PCLO: variants seen among roughly 807,000 people sequenced by gnomAD.
PCLO encodes the protein protein piccolo.
Under a neutral mutation model 427.5 loss-of-function variants are expected in PCLO, and 82 were observed. The observed-to-expected ratio is 0.19, with a 90% CI of 0.16 to 0.23. The LOEUF (loss-of-function observed/expected upper bound fraction) is 0.23. PCLO is among the 10% of genes least tolerant of loss of function. The probability of loss-of-function intolerance (pLI) is 1.00; values close to 1 mark genes in which losing one functional copy is unlikely to be tolerated. For synonymous variants in PCLO, 2,357 were observed against 2,155.4 expected (o/e 1.09, Z -2.59); for missense variants, 6,239 against 6,115.9 (o/e 1.02, Z -0.67).
At chr7:82,990,942 T>G (rs1796362189) in intron 3 of PCLO, among the ~76,000 whole-genome samples, 1 of 152,144 alleles carries the variant, frequency 6.6e-6, no homozygotes, top group South Asian at 2.1e-4. Context: ...AAATTGATAT[T>G]CATTTATTTC....
chr7:83,135,531 G>C lies in PCLO; in HGVS notation c.2019C>G (p.Ser673Arg). 2 of 1,613,614 alleles carry C rather than the reference G, an allele frequency of 1.2e-6. No individual in the cohort carries two copies. The highest frequency in any genetic ancestry group is 1.7e-6 in the Non-Finnish European group (2 of 1,179,818). ...TAPVTTTSAV[S>R]KSSPQPQQTS... is the part of the protein sequence containing the mutation. ...TCTGCTGTGGCTGTGGGGATGATTT[G>C]CTCACTGCTGATGTAGTGGTAACAG... Residue 673 changes from serine (S) to arginine (R), a missense_variant, in exon 3 of 25, where the codon AGC (serine) becomes AGG (arginine). Coordinates refer to ENST00000333891, the MANE Select transcript of PCLO (RefSeq NM_033026.6).
intron 3 of PCLO, among the ~76,000 whole-genome samples, chr7:83,108,395 C>T (rs1364364658): frequency 6.6e-6 from 1 of 152,088 alleles, no homozygotes; most frequent in Admixed American, 6.5e-5. Flanking sequence ...ATAATTAAGA[C>T]ATATGCCAGA....
At chr7:83,110,774 A>G (rs1056162730) in intron 3 of PCLO, among the ~76,000 whole-genome samples, 3 of 152,156 alleles carry the variant, frequency 2.0e-5, no homozygotes, top group Non-Finnish European at 2.9e-5. Context: ...ATAGAGTTAT[A>G]TTTATCTGTC....
rs577976278 is a variant in PCLO at position 82,805,869 on chromosome 7, T to A, written c.14792-40A>T. On this transcript the variant is annotated intron_variant, in intron 20 of 24. Transcript: ENST00000333891. Reference sequence around the variant, plus strand: ...AAGATTCAACACCACAGTCAATAAATGAAGCTGACATTGATCTACAAATGC... The same window carrying A: ...AAGATTCAACACCACAGTCAATAAAAGAAGCTGACATTGATCTACAAATGC... 2.7e-4 allele frequency: 419 copies of A among 1,564,324 alleles called. 4 individuals carry two copies. In the South Asian group the frequency reaches 4.7e-3, roughly 18 times the overall value.
chr7:83,149,582 A>G (rs1046228051), intron 2 of PCLO, among the ~76,000 whole-genome samples: 18 of 152,188 alleles, frequency 1.2e-4, no homozygotes, highest in African/African-American at 4.3e-4. Context: ...CAAGCAACTA[A>G]AAAGAGAACA....
intron 3 of PCLO, among the ~76,000 whole-genome samples, chr7:83,093,488 A>ATC (rs1322277167): frequency 1.4e-5 from 1 of 69,362 alleles, no homozygotes; most frequent in African/African-American, 6.2e-5. Flanking sequence ...ATATATATAT[A>ATC]TATATTTTTT....
At chr7:82,823,056 G>A (rs184598529) in intron 19 of PCLO, among the ~76,000 whole-genome samples, 14 of 152,236 alleles carry the variant, frequency 9.2e-5, no homozygotes, top group African/African-American at 3.4e-4. Flanking sequence ...TGAAGGATGT[G>A]AATCACTAGG....
At chr7:82,824,518 G>A in intron 18 of PCLO, 102 bp from the exon 19 acceptor site, 1 of 660,108 alleles carries the variant, frequency 1.5e-6, no homozygotes, top group Non-Finnish European at 2.5e-6. Context: ...ATAAACCAAG[G>A]AATACAGTAT....
chr7:83,155,202 G>A lies in PCLO; in HGVS notation c.1439C>T (p.Pro480Leu). ...CTTTGCTGGGCCAGGCTGTTGAGGT[G>A]GGGGCTTTGCTGGGCCAGGCAGTTG... Reference protein sequence around the residue: ...PSQLPGPAKPPPQQPGPAKPP... With the variant: ...PSQLPGPAKPLPQQPGPAKPP... The change falls in exon 2 of 25, where the codon CCA (proline) becomes CTA (leucine). Residue 480 changes from proline (P) to leucine (L), a missense_variant. By Grantham distance (98) the Pro-to-Leu change is moderately conservative (BLOSUM62 -3). Transcript: ENST00000333891. 6.2e-7 allele frequency: 1 copy of A among 1,613,092 alleles called. No individual in the cohort carries two copies. Among genetic ancestry groups the A allele is most frequent in the Non-Finnish European group, 8.5e-7 (1 of 1,179,732 alleles).
At chr7:83,085,357 A>C (rs1479329330) in intron 3 of PCLO, among the ~76,000 whole-genome samples, 2 of 152,154 alleles carry the variant, frequency 1.3e-5, no homozygotes, top group Non-Finnish European at 2.9e-5. Flanking sequence ...TGATTTAAAA[A>C]CCTACTGCGA....
At chr7:82,979,527 C>T (rs535992221) in intron 3 of PCLO, among the ~76,000 whole-genome samples, 2 of 152,168 alleles carry the variant, frequency 1.3e-5, no homozygotes, top group African/African-American at 2.4e-5. Context: ...TACCTGGTTC[C>T]TAACAGTATG....
chr7:83,056,008 T>G (rs2116287339), intron 3 of PCLO, among the ~76,000 whole-genome samples: 1 of 152,274 alleles, frequency 6.6e-6, no homozygotes, highest in South Asian at 2.1e-4. Context: ...CCTAATTTTT[T>G]ATTTATTATT....
At chr7:82,993,324 A>G (rs868447417) in intron 3 of PCLO, among the ~76,000 whole-genome samples, 1 of 152,038 alleles carries the variant, frequency 6.6e-6, no homozygotes, top group Non-Finnish European at 1.5e-5. Context: ...GATATTTTTA[A>G]TTACAGGATC....
At chr7:83,007,611 A>G (rs1787979777) in intron 3 of PCLO, among the ~76,000 whole-genome samples, 1 of 151,698 alleles carries the variant, frequency 6.6e-6, no homozygotes, top group African/African-American at 2.4e-5. Context: ...TAACTAGTGG[A>G]AAAATAGGTA....
chr7:83,081,459 G>A (rs1212884484), intron 3 of PCLO, among the ~76,000 whole-genome samples: 1 of 151,858 alleles, frequency 6.6e-6, no homozygotes, highest in Non-Finnish European at 1.5e-5. Context: ...TAATCTGAAT[G>A]AAAATGGAAA....
At chr7:82,788,725 CCA>C (rs1483350087) in intron 22 of PCLO, among the ~76,000 whole-genome samples, 2 of 151,746 alleles carry the variant, frequency 1.3e-5, no homozygotes, top group African/African-American at 4.8e-5. Context: ...TGAGAGTGCT[CCA>C]CACACACACT....
intron 9 of PCLO, among the ~76,000 whole-genome samples, chr7:82,895,959 T>C (rs1213507188): frequency 6.6e-6 from 1 of 151,864 alleles, no homozygotes; most frequent in Non-Finnish European, 1.5e-5. Context: ...ACATTCTACA[T>C]GGTCAGTATT....
At chr7:82,807,654 G>A (rs975513643) in intron 20 of PCLO, among the ~76,000 whole-genome samples, 3 of 151,948 alleles carry the variant, frequency 2.0e-5, no homozygotes, top group African/African-American at 4.8e-5. Flanking sequence ...AAAGCCACAA[G>A]GAATTTTTAT....
intron 3 of PCLO, among the ~76,000 whole-genome samples, chr7:83,050,206 C>A (rs1789200178): frequency 1.4e-3 from 3 of 2,152 alleles, no homozygotes; most frequent in Non-Finnish European, 2.5e-3. Context: ...ATCTGAAAAA[C>A]TGAAAAAAAA....
Sources: gnomAD v4.1 joint callset for allele counts (sites outside exome capture counted in the v4.1 genomes callset) on GRCh38, gnomAD v4.1.1 for gene constraint, MANE v1.5 for transcripts, NCBI Gene and HGNC (gene_info 2026-07-23, HGNC 2026-07-21) for gene names.